Variants in RASAL2 observed in about 807,000 individuals in gnomAD.
The protein encoded by RASAL2 is RAS protein activator like 2.
RASAL2 carries 58 observed loss-of-function variants against 128.9 expected under a neutral mutation model. That is an observed-to-expected ratio of 0.45 (90% CI 0.36 to 0.56). The LOEUF (loss-of-function observed/expected upper bound fraction) is 0.56. RASAL2 is among the 20% of genes least tolerant of loss of function. The probability of loss-of-function intolerance (pLI) is 0.00; values close to 1 mark genes in which losing one functional copy is unlikely to be tolerated. For synonymous variants in RASAL2, 561 were observed against 580.8 expected, an observed-to-expected ratio of 0.97 and a Z score of 0.49; for missense variants, 1,360 against 1,601.6, an observed-to-expected ratio of 0.85 and a Z score of 2.57.
At chr1:178,350,380 C>T (rs1670399493) in intron 3 of RASAL2, among the ~76,000 whole-genome samples, 1 of 152,184 alleles carries the variant, frequency 6.6e-6, no homozygotes. Flanking sequence ...GTCACCACAC[C>T]TGGCTAATTT....
At chr1:178,285,002 T>C (rs1666951283) in intron 2 of RASAL2, among the ~76,000 whole-genome samples, 1 of 151,998 alleles carries the variant, frequency 6.6e-6, no homozygotes, top group African/African-American at 2.4e-5. Flanking sequence ...TTCCTTCTCT[T>C]ACCTATCCCT....
intron 3 of RASAL2, among the ~76,000 whole-genome samples, chr1:178,376,968 T>C (rs1294894493): frequency 6.6e-6 from 1 of 152,120 alleles, no homozygotes; most frequent in Non-Finnish European, 1.5e-5. Context: ...TTGAAATTAT[T>C]ATTCAGTAGA....
intron 1 of RASAL2, among the ~76,000 whole-genome samples, chr1:178,211,033 G>C (rs999266458): frequency 1.3e-5 from 2 of 152,080 alleles, no homozygotes; most frequent in Non-Finnish European, 2.9e-5. Context: ...GGTCACCTGG[G>C]GTTTGAACCC....
intron 2 of RASAL2, among the ~76,000 whole-genome samples, chr1:178,299,707 G>C (rs1315399799): frequency 6.6e-6 from 1 of 152,022 alleles, no homozygotes; most frequent in African/African-American, 2.4e-5. Context: ...ATGTTGGCCA[G>C]GATGATCTGG....
intron 3 of RASAL2, chr1:178,341,611 A>G (rs993380866): frequency 6.2e-7 from 1 of 1,613,960 alleles, no homozygotes; most frequent in African/African-American, 1.3e-5. Flanking sequence ...GACCCCAGGT[A>G]AGAGTTTGTA....
rs571936642 is a variant in RASAL2, at chr1:178,125,950, A to G, written c.202+31256A>G. 1.6e-4 allele frequency among the ~76,000 whole-genome samples: 24 copies of G among 152,314 alleles called. No individual in the cohort carries two copies. The East Asian group carries it at 4.6e-3, about 29-fold the overall frequency. On this transcript the variant is annotated intron_variant, in intron 1 of 17. Transcript: ENST00000367649. The stretch of plus-strand genomic sequence containing the variant: ...ATACTTGGACACCTACCTAAGGAGC[A>G]AGGGCTGGTGCTAGGCATTGTAGGG...
intron 10 of RASAL2, 76 bp from the exon 11 acceptor site, chr1:178,452,340 G>T: frequency 8.0e-7 from 1 of 1,248,700 alleles, no homozygotes; most frequent in Non-Finnish European, 1.2e-6. Context: ...AAAGTATATT[G>T]GGTCAGGGTG....
chr1:178,182,326 T>G (rs920640568), intron 1 of RASAL2, among the ~76,000 whole-genome samples: 2 of 152,186 alleles, frequency 1.3e-5, no homozygotes, highest in African/African-American at 2.4e-5. Flanking sequence ...CCATCTTACA[T>G]ATTTCCTGTT....
intron 17 of RASAL2, chr1:178,470,676 G>A (rs765475488): frequency 9.9e-5 from 135 of 1,364,418 alleles, no homozygotes; most frequent in Non-Finnish European, 1.3e-4. Flanking sequence ...TGATATCTCC[G>A]CTGTGTTAAA....
intron 2 of RASAL2, among the ~76,000 whole-genome samples, chr1:178,288,642 C>CTTTTT (rs60150701): frequency 4.1e-5 from 4 of 97,276 alleles, no homozygotes; most frequent in African/African-American, 5.5e-5. Context: ...CTTTCTCTCT[C>CTTTTT]TTTTTTTTTT....
intron 3 of RASAL2, among the ~76,000 whole-genome samples, chr1:178,349,771 ATAATTTTGC>A (rs1406795920): frequency 2.6e-5 from 4 of 152,200 alleles, no homozygotes; most frequent in African/African-American, 7.2e-5. Flanking sequence ...TGGCTTTAAT[ATAATTTTGC>A]TTTAAAAATA....
At chr1:178,420,152 A>G (rs376993351) in intron 4 of RASAL2, among the ~76,000 whole-genome samples, 9 of 152,274 alleles carry the variant, frequency 5.9e-5, no homozygotes, top group African/African-American at 9.6e-5. Context: ...TTTGTATTGA[A>G]ATTGCTGGTA....
At chr1:178,288,706 A>G (rs1314900986) in intron 2 of RASAL2, among the ~76,000 whole-genome samples, 1 of 127,656 alleles carries the variant, frequency 7.8e-6, no homozygotes, top group East Asian at 2.3e-4. Context: ...GCTGGAGTGC[A>G]ATGGTGCAAT....
intron 6 of RASAL2, among the ~76,000 whole-genome samples, chr1:178,439,994 C>A (rs1676520750): frequency 6.7e-6 from 1 of 150,034 alleles, no homozygotes; most frequent in Non-Finnish European, 1.5e-5. Context: ...TCCATCCATC[C>A]ATCCATCCAT....
chr1:178,191,955 T>C (rs547044363), intron 1 of RASAL2, among the ~76,000 whole-genome samples: 59 of 152,308 alleles, frequency 3.9e-4, no homozygotes, highest in African/African-American at 1.4e-3. Context: ...AAAAGACTTA[T>C]GTGAATCTAA....
In RASAL2 at chr1:178,477,338, T is replaced by TG. The variant is rs1648744600; in HGVS notation, c.*4101dup. The TG allele has an allele frequency of 6.6e-6, 1 of 152,236 alleles. No individual in the cohort carries two copies. Among genetic ancestry groups the TG allele is most frequent in the African/African-American group, 2.4e-5 (1 of 41,462 alleles). 9.4% of individuals were successfully genotyped at this position (152,236 alleles called of 1,614,324 possible). ...TTAGTTTCTTAAAAGCAAGAAATGT[T>TG]GGAGTGTTGAATTTTTAAATAGAAT... On this transcript the variant is annotated 3_prime_UTR_variant, in exon 18 of 18. Coordinates refer to ENST00000367649, the MANE Select transcript of RASAL2 (RefSeq NM_170692.4).
chr1:178,148,018 C>A (rs891297378), intron 1 of RASAL2, among the ~76,000 whole-genome samples: 1 of 151,998 alleles, frequency 6.6e-6, no homozygotes, highest in Non-Finnish European at 1.5e-5. Context: ...TTGCAGTGAG[C>A]CGAGATGATG....
intron 3 of RASAL2, among the ~76,000 whole-genome samples, chr1:178,301,108 A>C (rs1462888484): frequency 6.6e-6 from 1 of 152,196 alleles, no homozygotes; most frequent in Non-Finnish European, 1.5e-5. Context: ...CCTTTTGGGC[A>C]GAATTTGAAT....
chr1:178,314,900 T>A (rs1467422561), intron 3 of RASAL2, among the ~76,000 whole-genome samples: 1 of 148,410 alleles, frequency 6.7e-6, no homozygotes, highest in Non-Finnish European at 1.5e-5. Context: ...TAACTCGTCA[T>A]CTAGCATTAG....
Sources: allele counts gnomAD v4.1 joint callset (sites outside exome capture counted in the v4.1 genomes callset), GRCh38; gene constraint gnomAD v4.1.1; transcripts MANE v1.5; gene names NCBI Gene and HGNC (gene_info 2026-07-23, HGNC 2026-07-21).